Variants in CALN1 observed in about 807,000 individuals in gnomAD.
CALN1 encodes calcium-binding protein 8.
Under a neutral mutation model 30.6 loss-of-function variants are expected in CALN1, and 17 were observed. The observed-to-expected ratio is 0.56, with a 90% confidence interval of 0.38 to 0.83. The LOEUF is 0.83. Among genes scored for constraint, CALN1 ranks in the 40% least tolerant of loss-of-function variants. The pLI is 0.00. For missense variants in CALN1, 291 were observed against 354.9 expected, an observed-to-expected ratio of 0.82 and a Z score of 1.45; for synonymous variants, 156 against 131.4, an observed-to-expected ratio of 1.19 and a Z score of -1.28.
chr7:71,813,274 GC>G (rs1476911539), intron 5 of CALN1, among the ~76,000 whole-genome samples: 1 of 152,072 alleles, frequency 6.6e-6, no homozygotes, highest in Non-Finnish European at 1.5e-5. Flanking sequence ...CGAACTCCTG[GC>G]CTCAAGCAAT....
At chr7:72,061,628 G>A (rs943782384) in intron 4 of CALN1, among the ~76,000 whole-genome samples, 3 of 151,752 alleles carry the variant, frequency 2.0e-5, no homozygotes, top group Non-Finnish European at 4.4e-5. Flanking sequence ...TAAAAAATGT[G>A]AGTCTTTCTC....
rs1420597071 is a variant in CALN1, at chr7:71,782,006, AT to A, written c.*5768del. 1.3e-5 allele frequency: 2 copies of A among 152,236 alleles called. No homozygotes were observed. The allele number at this position is 152,236 out of a possible 1,614,324, so 9.4% of individuals were successfully genotyped here. On this transcript the variant is annotated 3_prime_UTR_variant, in exon 7 of 7. Coordinates refer to ENST00000395275, the MANE Select transcript of CALN1 (RefSeq NM_031468.4). ...CTCGAGACCCTATGAAGAGTCCCAA[AT>A]GAATATGAAGGAGAAACCACAGCTG...
At chr7:72,352,005 G>A (rs1802946503) in intron 2 of CALN1, among the ~76,000 whole-genome samples, 1 of 152,126 alleles carries the variant, frequency 6.6e-6, no homozygotes, top group African/African-American at 2.4e-5. Context: ...TAAGCCAGGT[G>A]TGGTGGCTCA....
intron 2 of CALN1, among the ~76,000 whole-genome samples, chr7:72,355,166 C>G (rs914782327): frequency 2.0e-5 from 3 of 152,196 alleles, no homozygotes; most frequent in African/African-American, 7.2e-5. Flanking sequence ...CCTCGGTCTC[C>G]CAAAGTGCTG....
At chr7:72,111,753 CTTTTT>C (rs34426806) in intron 3 of CALN1, among the ~76,000 whole-genome samples, 1 of 145,070 alleles carries the variant, frequency 6.9e-6, no homozygotes, top group Admixed American at 6.8e-5. Context: ...TTTTTTCTTT[CTTTTT>C]TTTTTTGTTG....
At chr7:72,376,408 A>T (rs1413369213) in intron 2 of CALN1, among the ~76,000 whole-genome samples, 1 of 152,180 alleles carries the variant, frequency 6.6e-6, no homozygotes, top group Non-Finnish European at 1.5e-5. Context: ...TGTTGTTATC[A>T]CCAACCTAGT....
chr7:72,309,687 T>C (rs1007288603), intron 2 of CALN1, among the ~76,000 whole-genome samples: 1 of 152,144 alleles, frequency 6.6e-6, no homozygotes, highest in African/African-American at 2.4e-5. Context: ...TCCCCCGCTG[T>C]GCACTGTCGT....
intron 3 of CALN1, among the ~76,000 whole-genome samples, chr7:72,183,371 C>T (rs1192530794): frequency 6.6e-6 from 1 of 151,972 alleles, no homozygotes; most frequent in Non-Finnish European, 1.5e-5. Context: ...AACAAAAAGA[C>T]GAATTAGAAA....
rs528545125 is a variant in CALN1 at position 71,820,800 on chromosome 7, C to G, written c.502-10308G>C. Among the ~76,000 whole-genome samples, 75 of 152,208 alleles carry G rather than the reference C, an allele frequency of 4.9e-4. 1 individual carries two copies. The highest frequency in any genetic ancestry group is 4.8e-3 in the Admixed American group (74 of 15,270). On this transcript the variant is annotated intron_variant, in intron 5 of 6. Transcript: ENST00000395275. The stretch of plus-strand genomic sequence containing the variant: ...CAGGTTTGAGCTTGAGAAAAACTAC[C>G]CTTTGCTGATACAAAGGTCCCAACA...
chr7:71,969,029 ACAGAGTGAGCCT>A (rs1472784452), intron 5 of CALN1, among the ~76,000 whole-genome samples: 1 of 151,602 alleles, frequency 6.6e-6, no homozygotes, highest in Non-Finnish European at 1.5e-5. Flanking sequence ...AGTCTCGGTG[ACAGAGTGAGCCT>A]CTATCTCAAA....
chr7:71,881,488 C>T (rs1439538396), intron 5 of CALN1, among the ~76,000 whole-genome samples: 1 of 152,216 alleles, frequency 6.6e-6, no homozygotes, highest in Admixed American at 6.5e-5. Context: ...ATCATCACTT[C>T]TCTCTAACTG....
intron 3 of CALN1, among the ~76,000 whole-genome samples, chr7:72,158,598 C>T (rs1347774464): frequency 1.3e-5 from 2 of 152,102 alleles, no homozygotes; most frequent in African/African-American, 4.8e-5. Context: ...TACAGAGGGC[C>T]CTCATGGGTA....
chr7:72,159,369 G>A (rs1430134770), intron 3 of CALN1, among the ~76,000 whole-genome samples: 1 of 152,160 alleles, frequency 6.6e-6, no homozygotes, highest in African/African-American at 2.4e-5. Context: ...GGCATGTGGT[G>A]TGTGCCTGTA....
At chr7:71,877,456 T>C (rs1451728597) in intron 5 of CALN1, among the ~76,000 whole-genome samples, 1 of 151,978 alleles carries the variant, frequency 6.6e-6, no homozygotes, top group East Asian at 1.9e-4. Flanking sequence ...CTTGAATAAA[T>C]AAGATAATTT....
chr7:71,870,874 G>T (rs10242189), intron 5 of CALN1, among the ~76,000 whole-genome samples: 87,820 of 151,964 alleles, frequency 0.58, 26,411 homozygotes, highest in African/African-American at 0.74. Context: ...AAAGACTGCT[G>T]AGCACTAGGT....
At position 71,981,619 on chromosome 7, in the gene CALN1, T is replaced by C. The variant is rs545106938; in HGVS notation, c.501+42038A>G. 2.0e-4 allele frequency among the ~76,000 whole-genome samples: 30 copies of C among 151,392 alleles called. 1 individual carries two copies. The highest frequency in any genetic ancestry group is 4.0e-4 in the Non-Finnish European group (27 of 67,900). ...TTACAGTGAGCAGACATCACACCAC[T>C]GCACTACAGCTTGAGCGACAGAGCG... On this transcript the variant is annotated intron_variant, in intron 5 of 6. Transcript: ENST00000395275.
At chr7:72,274,673 C>T (rs1224035368) in intron 3 of CALN1, among the ~76,000 whole-genome samples, 2 of 152,084 alleles carry the variant, frequency 1.3e-5, no homozygotes, top group Non-Finnish European at 2.9e-5. Flanking sequence ...CCTGGATAGA[C>T]GTAAGCTCCT....
chr7:71,874,012 C>T (rs890609777), intron 5 of CALN1, among the ~76,000 whole-genome samples: 17 of 152,128 alleles, frequency 1.1e-4, no homozygotes, highest in African/African-American at 2.9e-4. Flanking sequence ...CAGTGGCTCA[C>T]GCCTGTAATC....
At chr7:71,977,840 G>C (rs891406141) in intron 5 of CALN1, among the ~76,000 whole-genome samples, 2 of 151,330 alleles carry the variant, frequency 1.3e-5, no homozygotes, top group African/African-American at 4.9e-5. Context: ...GTTGAGGAAG[G>C]AGAATCGCTT....
Sources: allele counts gnomAD v4.1 joint callset (sites outside exome capture counted in the v4.1 genomes callset), GRCh38; gene constraint gnomAD v4.1.1; transcripts MANE v1.5; gene names NCBI Gene and HGNC (gene_info 2026-07-23, HGNC 2026-07-21).